RBFOX1: variants seen among roughly 807,000 people sequenced by gnomAD.
The protein encoded by RBFOX1 is RNA binding fox-1 homolog 1.
RBFOX1 carries 8 observed loss-of-function variants against 57.7 expected under a neutral mutation model. That is an observed-to-expected ratio of 0.14 (90% CI 0.08 to 0.25). The LOEUF is 0.25. Ranked by LOEUF, RBFOX1 falls within the 10% of genes least tolerant of loss-of-function variation. The probability of loss-of-function intolerance (pLI) is 1.00; values close to 1 mark genes in which losing one functional copy is unlikely to be tolerated. For synonymous variants in RBFOX1, 326 were observed against 222.4 expected (o/e 1.47, Z -4.15); for missense variants, 611 against 548.5 (o/e 1.11, Z -1.14).
At chr16:6,915,199 G>A (rs2072814841) in intron 3 of RBFOX1, among the ~76,000 whole-genome samples, 1 of 152,170 alleles carries the variant, frequency 6.6e-6, no homozygotes, top group African/African-American at 2.4e-5. Context: ...GGCTCCCGGA[G>A]ACCCACTCCC....
chr16:7,229,619 G>T (rs2093360715), intron 4 of RBFOX1, among the ~76,000 whole-genome samples: 1 of 133,252 alleles, frequency 7.5e-6, no homozygotes, highest in African/African-American at 3.1e-5. Context: ...GGAGAAGAAA[G>T]ATGGAGGGAG....
chr16:6,231,969 C>A (rs12924078), intron 1 of RBFOX1, among the ~76,000 whole-genome samples: 1 of 151,400 alleles, frequency 6.6e-6, no homozygotes, highest in African/African-American at 2.4e-5. Context: ...AAATTATGCA[C>A]GGGAGGGAGG....
At chr16:5,292,888 G>A (rs1427816636) in intron 1 of RBFOX1, among the ~76,000 whole-genome samples, 8 of 152,038 alleles carry the variant, frequency 5.3e-5, no homozygotes, top group African/African-American at 1.9e-4. Context: ...CTCCCAAAGT[G>A]CTGGGATTAC....
At chr16:7,522,069 A>C (rs2077626504) in intron 5 of RBFOX1, among the ~76,000 whole-genome samples, 1 of 152,172 alleles carries the variant, frequency 6.6e-6, no homozygotes, top group African/African-American at 2.4e-5. Context: ...TGAGGCTGGT[A>C]CTGAGTGTCC....
chr16:7,058,011 A>AAAAAC (rs1555829794), intron 4 of RBFOX1, among the ~76,000 whole-genome samples: 2 of 151,370 alleles, frequency 1.3e-5, no homozygotes, highest in Admixed American at 6.6e-5. Context: ...GTGGGGAAAA[A>AAAAAC]AAAAAAAAAA....
chr16:6,416,798 T>A (rs758842152), intron 2 of RBFOX1, among the ~76,000 whole-genome samples: 9 of 152,154 alleles, frequency 5.9e-5, no homozygotes, highest in Non-Finnish European at 8.8e-5. Flanking sequence ...ATCAAACAGG[T>A]TGCAGTGCTG....
At chr16:7,677,132 TACAC>T (rs59379802) in intron 14 of RBFOX1, among the ~76,000 whole-genome samples, 2,134 of 137,938 alleles carry the variant, frequency 0.015, 42 homozygotes, top group Non-Finnish European at 0.017. Context: ...CACATACACA[TACAC>T]ACACACACAC....
chr16:5,556,350 G>A (rs539861597), intron 2 of RBFOX1, among the ~76,000 whole-genome samples: 19 of 152,148 alleles, frequency 1.2e-4, no homozygotes, highest in African/African-American at 4.1e-4. Flanking sequence ...TACCCTCCCC[G>A]GCAGCTGCTG....
At chr16:6,107,147 G>A in intron 1 of RBFOX1, among the ~76,000 whole-genome samples, 1 of 152,110 alleles carries the variant, frequency 6.6e-6, no homozygotes, top group Admixed American at 6.5e-5. Flanking sequence ...TTGCTTTTTT[G>A]TTTTTTTGTT....
At chr16:7,012,677 G>A (rs2093708911) in intron 3 of RBFOX1, among the ~76,000 whole-genome samples, 1 of 152,174 alleles carries the variant, frequency 6.6e-6, no homozygotes, top group African/African-American at 2.4e-5. Context: ...TTAATTTTAA[G>A]CTGACTTTAT....
intron 3 of RBFOX1, among the ~76,000 whole-genome samples, chr16:5,803,744 C>G (rs1210373579): frequency 1.3e-5 from 2 of 152,176 alleles, no homozygotes; most frequent in Non-Finnish European, 2.9e-5. Flanking sequence ...GATGCATTAT[C>G]TACCTTCTTG....
At chr16:6,795,244 T>G (rs2154251800) in intron 3 of RBFOX1, among the ~76,000 whole-genome samples, 1 of 152,240 alleles carries the variant, frequency 6.6e-6, no homozygotes, top group South Asian at 2.1e-4. Flanking sequence ...CCACCTAAAT[T>G]TTTTAATTGT....
At chr16:6,434,125 G>C (rs1038753477) in intron 2 of RBFOX1, among the ~76,000 whole-genome samples, 2 of 152,020 alleles carry the variant, frequency 1.3e-5, no homozygotes, top group Non-Finnish European at 2.9e-5. Flanking sequence ...TGAGGTTACG[G>C]GTGTGAGCCA....
At chr16:6,256,171 G>GTATATATATGTA in intron 1 of RBFOX1, among the ~76,000 whole-genome samples, 1 of 7,642 alleles carries the variant, frequency 1.3e-4, no homozygotes, top group South Asian at 9.3e-3. Flanking sequence ...ATATATATAT[G>GTATATATATGTA]TATATATATA....
At chr16:7,178,607 C>A (rs1264938592) in intron 4 of RBFOX1, among the ~76,000 whole-genome samples, 2 of 152,154 alleles carry the variant, frequency 1.3e-5, no homozygotes, top group African/African-American at 4.8e-5. Flanking sequence ...AACCAGTTAT[C>A]TACATAAGTG....
At chr16:6,130,369 C>T (rs1317275155) in intron 1 of RBFOX1, among the ~76,000 whole-genome samples, 1 of 151,900 alleles carries the variant, frequency 6.6e-6, no homozygotes, top group Non-Finnish European at 1.5e-5. Context: ...TATTGTTTAT[C>T]CTACCATGCC....
At chr16:7,134,967 G>A (rs2071521096) in intron 4 of RBFOX1, among the ~76,000 whole-genome samples, 1 of 151,646 alleles carries the variant, frequency 6.6e-6, no homozygotes, top group Non-Finnish European at 1.5e-5. Flanking sequence ...TTCCAAGAGA[G>A]AGAGATGAAT....
intron 2 of RBFOX1, among the ~76,000 whole-genome samples, chr16:6,632,113 TGTTA>T (rs1477788689): frequency 6.6e-6 from 1 of 152,094 alleles, no homozygotes; most frequent in Non-Finnish European, 1.5e-5. Flanking sequence ...GTCTGTCCCT[TGTTA>T]ATTGTGTGTC....
chr16:7,348,486 A>G (rs139636744), intron 4 of RBFOX1, among the ~76,000 whole-genome samples: 3 of 152,246 alleles, frequency 2.0e-5, no homozygotes, highest in Non-Finnish European at 4.4e-5. Flanking sequence ...TGTCCTTTCC[A>G]CATGCCCCTT....
Sources: allele counts gnomAD v4.1 joint callset (sites outside exome capture counted in the v4.1 genomes callset), GRCh38; gene constraint gnomAD v4.1.1; transcripts MANE v1.5; gene names NCBI Gene and HGNC (gene_info 2026-07-23, HGNC 2026-07-21).